The following BANF2 variants were observed in gnomAD, a reference collection of about 807,000 sequenced individuals.
The protein encoded by BANF2 is BANF family member 2, also known as barrier-to-autointegration factor-like protein.
Under a neutral mutation model 8.0 loss-of-function variants are expected in BANF2, and 4 were observed. The ratio of observed to expected loss-of-function variants is 0.50; its 90% CI spans 0.25 to 1.14. BANF2 has a LOEUF of 1.14. BANF2 is among the 50% of genes most tolerant of loss of function. The pLI, the probability that BANF2 is intolerant of heterozygous loss-of-function variation, is 0.16. For missense variants in BANF2, 96 were observed against 107.5 expected (o/e 0.89, Z 0.47); for synonymous variants, 50 against 40.6 (o/e 1.23, Z -0.88).
chr20:17,703,959 G>A (rs1021291292), intron 1 of BANF2, among the ~76,000 whole-genome samples: 18 of 152,132 alleles, frequency 1.2e-4, no homozygotes, highest in African/African-American at 4.3e-4. Flanking sequence ...TGTTGGCCAG[G>A]CTGATCTCAA....
At chr20:17,701,414 A>G (rs1160250480) in intron 1 of BANF2, among the ~76,000 whole-genome samples, 1 of 152,178 alleles carries the variant, frequency 6.6e-6, no homozygotes, top group Non-Finnish European at 1.5e-5. Context: ...TGCTGGTGCC[A>G]CGTCTAAAGA....
chr20:17,727,442 C>T (rs1241616340), intron 3 of BANF2, among the ~76,000 whole-genome samples: 1 of 152,162 alleles, frequency 6.6e-6, no homozygotes, highest in Non-Finnish European at 1.5e-5. Flanking sequence ...GTGGATTGTA[C>T]TGTCACAAAT....
chr20:17,694,599 CTCTTTTT>C (rs1458569721), intron 1 of BANF2, among the ~76,000 whole-genome samples: 15 of 82,780 alleles, frequency 1.8e-4, no homozygotes, highest in African/African-American at 5.4e-4. Flanking sequence ...TTTTTTCTCT[CTCTTTTT>C]TTTTTTTTTT....
In BANF2 at chr20:17,700,012, C is replaced by G. The variant is rs919516563; in HGVS notation, c.-210C>G. 2.0e-6 allele frequency: 2 copies of G among 985,414 alleles called. No homozygotes were observed. Among genetic ancestry groups the G allele is most frequent in the Non-Finnish European group, 1.2e-6 (1 of 829,910 alleles). 61.0% of individuals were successfully genotyped at this position (985,414 alleles called of 1,614,324 possible). A position where few individuals can be genotyped will look rare whatever the true frequency, so the allele number is the denominator to read the frequency against. ...GCCTGCAGTTCCAGATCCAAGGTGA[C>G]TGAGACAAACTGCCAGCTGCCACTG... On this transcript the variant is annotated 5_prime_UTR_variant, in exon 1 of 4. Coordinates refer to ENST00000246090, the MANE Select transcript of BANF2 (RefSeq NM_178477.5).
rs928426605 is a variant in BANF2, at chr20:17,711,263, G to GC, written c.-167+11214dup. Reference sequence around the variant, plus strand: ...CTGCCCCCAGATGGCCTCCCCCGGGGCCCCCCTCCAGGGCCTGTAAAGCCC... The same window carrying GC: ...CTGCCCCCAGATGGCCTCCCCCGGGGCCCCCCCTCCAGGGCCTGTAAAGCCC... On this transcript the variant is annotated intron_variant, in intron 1 of 3. Coordinates refer to ENST00000246090, the MANE Select transcript of BANF2 (RefSeq NM_178477.5). Among the ~76,000 whole-genome samples, 283 of 152,126 alleles carry GC rather than the reference G, an allele frequency of 1.9e-3. 1 individual carries two copies. The highest frequency in any genetic ancestry group is 6.4e-3 in the African/African-American group (266 of 41,522).
At chr20:17,698,701 A>T (rs2037371895), upstream of BANF2, among the ~76,000 whole-genome samples, 1 of 152,204 alleles carries the variant, frequency 6.6e-6, no homozygotes. Context: ...GAGTCAGATT[A>T]CCTTTGTACA....
intron 1 of BANF2, among the ~76,000 whole-genome samples, chr20:17,703,097 T>C (rs2037433407): frequency 6.6e-6 from 1 of 152,236 alleles, no homozygotes; most frequent in Admixed American, 6.5e-5. Flanking sequence ...GCATTTGCTG[T>C]TCTCTCTGCC....
At chr20:17,730,096 G>A (rs2037870071) in intron 3 of BANF2, among the ~76,000 whole-genome samples, 2 of 152,196 alleles carry the variant, frequency 1.3e-5, no homozygotes, top group African/African-American at 4.8e-5. Context: ...GCTGCCTGAA[G>A]GATGAGACTG....
chr20:17,721,422 C>T lies in BANF2; in HGVS notation c.-166-1294C>T, dbSNP rs535735468. Among the ~76,000 whole-genome samples, 7 of 150,964 alleles carry T rather than the reference C, an allele frequency of 4.6e-5. No homozygotes were observed. In the East Asian group the frequency reaches 5.8e-4, roughly 13 times the overall value. On this transcript the variant is annotated intron_variant, in intron 1 of 3. Coordinates refer to ENST00000246090, the MANE Select transcript of BANF2 (RefSeq NM_178477.5). ...TCTTTTTTTTTTTAAGACGGAGTCTCGCTCTGTTGCCCAGGCTGGAGTGCA... is the reference window on the plus strand; with the variant it reads ...TCTTTTTTTTTTTAAGACGGAGTCTTGCTCTGTTGCCCAGGCTGGAGTGCA...
rs114739946 is a variant in BANF2 at position 17,719,993 on chromosome 20, C to G, written c.-166-2723C>G. On this transcript the variant is annotated intron_variant, in intron 1 of 3. Coordinates refer to ENST00000246090, the MANE Select transcript of BANF2 (RefSeq NM_178477.5). ...CGTGGTTCTCCAATTTTGCAACATA[C>G]TTGAGTCACTTGGGGAGTTTTTAAA... Among the ~76,000 whole-genome samples the G allele has an allele frequency of 5.4e-3, 818 of 152,302 alleles. 9 individuals carry two copies. Among genetic ancestry groups the G allele is most frequent in the African/African-American group, 0.018 (761 of 41,554 alleles).
chr20:17,704,381 C>T lies in BANF2; in HGVS notation c.-167+4326C>T, dbSNP rs554473914. Reference sequence around the variant, plus strand: ...CTCCAAGAGACGTCAAAGCTGCAGGCCCACAGGCTGCACGTGGAGTAGCAA... The same window carrying T: ...CTCCAAGAGACGTCAAAGCTGCAGGTCCACAGGCTGCACGTGGAGTAGCAA... On this transcript the variant is annotated intron_variant, in intron 1 of 3. Coordinates refer to ENST00000246090, the MANE Select transcript of BANF2 (RefSeq NM_178477.5). Among the ~76,000 whole-genome samples the T allele has an allele frequency of 1.7e-4, 26 of 152,324 alleles. No individual in the cohort carries two copies. In the East Asian group the frequency reaches 3.9e-3, roughly 23 times the overall value.
At chr20:17,727,553 G>A (rs997617768) in intron 3 of BANF2, among the ~76,000 whole-genome samples, 8 of 152,040 alleles carry the variant, frequency 5.3e-5, no homozygotes, top group Non-Finnish European at 8.8e-5. Flanking sequence ...AGTCCGGCTG[G>A]GCCTGTAGTG....
chr20:17,735,833 C>T lies in BANF2; in HGVS notation c.*22C>T. ...GTAGACACAAACCTCATTGCTGCCC[C>T]CCACCACCCTCTGGGGAAAATGACG... On this transcript the variant is annotated 3_prime_UTR_variant, in exon 4 of 4. Transcript: ENST00000246090. The T allele has an allele frequency of 1.2e-6, 2 of 1,600,772 alleles. No homozygotes were observed. The highest frequency in any genetic ancestry group is 1.1e-5 in the South Asian group (1 of 90,142).
At chr20:17,721,638 T>G (rs2037730820) in intron 1 of BANF2, among the ~76,000 whole-genome samples, 1 of 152,084 alleles carries the variant, frequency 6.6e-6, no homozygotes, top group Non-Finnish European at 1.5e-5. Flanking sequence ...GTGATCTGCC[T>G]GCCTCGGCCT....
chr20:17,719,321 G>C (rs781647635), intron 1 of BANF2, among the ~76,000 whole-genome samples: 1 of 151,918 alleles, frequency 6.6e-6, no homozygotes. Flanking sequence ...TAGTAGAGAC[G>C]GGGTTTCACC....
At chr20:17,703,049 T>C (rs948500180) in intron 1 of BANF2, among the ~76,000 whole-genome samples, 4 of 152,180 alleles carry the variant, frequency 2.6e-5, no homozygotes, top group African/African-American at 7.2e-5. Context: ...CCTTTCCCTC[T>C]GCCTTCACTC....
At chr20:17,728,808 T>G (rs1273805266) in intron 3 of BANF2, among the ~76,000 whole-genome samples, 3 of 152,020 alleles carry the variant, frequency 2.0e-5, no homozygotes, top group Non-Finnish European at 4.4e-5. Context: ...GGCCTGAGGA[T>G]CTAGATCCAG....
chr20:17,695,239 G>A (rs2037336829), upstream of BANF2, among the ~76,000 whole-genome samples: 2 of 151,752 alleles, frequency 1.3e-5, no homozygotes, highest in South Asian at 4.2e-4. Context: ...TTGAGCCCAG[G>A]GGTTTGAGAC....
In BANF2 at chr20:17,704,589, C is replaced by T. The variant is rs566004163; in HGVS notation, c.-167+4534C>T. 2.2e-3 allele frequency among the ~76,000 whole-genome samples: 339 copies of T among 152,390 alleles called. 1 individual carries two copies. Among genetic ancestry groups the T allele is most frequent in the African/African-American group, 7.1e-3 (295 of 41,588 alleles). ...CTGGGCTTGTGCCCACATAGGGTAA[C>T]TGTCCCATCCTACCTCCCAAGCACT... is the stretch of plus-strand genomic sequence containing the variant. On this transcript the variant is annotated intron_variant, in intron 1 of 3. Coordinates refer to ENST00000246090, the MANE Select transcript of BANF2 (RefSeq NM_178477.5).
Sources: gnomAD v4.1 joint callset for allele counts (sites outside exome capture counted in the v4.1 genomes callset) on GRCh38, gnomAD v4.1.1 for gene constraint, MANE v1.5 for transcripts, NCBI Gene and HGNC (gene_info 2026-07-23, HGNC 2026-07-21) for gene names.